The following CD164 variants were observed in gnomAD, a reference collection of about 807,000 sequenced individuals.
CD164 encodes the protein CD164 molecule, also known as sialomucin core protein 24.
A neutral mutation model predicts 24.6 loss-of-function variants in CD164; 11 were observed. The observed-to-expected ratio is 0.45, with a 90% CI of 0.28 to 0.74. The LOEUF (loss-of-function observed/expected upper bound fraction) is 0.74, where lower values mean the gene tolerates loss of function less well. CD164 is among the 30% of genes least tolerant of loss of function. CD164 has a pLI of 0.13. For missense variants in CD164, 295 were observed against 243.7 expected, an observed-to-expected ratio of 1.21 and a Z score of -1.40; for synonymous variants, 126 against 100.3, an observed-to-expected ratio of 1.26 and a Z score of -1.53.
intron 2 of CD164, 122 bp from the exon 3 acceptor site, chr6:109,378,093 A>T (rs1771522664): frequency 4.2e-6 from 3 of 721,840 alleles, no homozygotes; most frequent in Non-Finnish European, 7.0e-6. Flanking sequence ...AGGGGGAACC[A>T]CTTTAGGTGT....
chr6:109,368,756 A>T lies in CD164; in HGVS notation c.*95T>A. 1 of 1,477,546 alleles carries T rather than the reference A, an allele frequency of 6.8e-7. No individual in the cohort carries two copies. The highest frequency in any genetic ancestry group is 2.7e-5 in the Admixed American group (1 of 37,030). 91.5% of individuals were successfully genotyped at this position (1,477,546 alleles called of 1,614,324 possible). On this transcript the variant is annotated 3_prime_UTR_variant, in exon 6 of 6. Transcript: ENST00000310786. The stretch of plus-strand genomic sequence containing the variant: ...CATGGAAATTTAAAGATCCTGGAAT[A>T]GCGTCTTCCATGTGGGACATCTTAA...
intron 3 of CD164, 27 bp downstream of exon 3, chr6:109,377,873 T>G: frequency 6.3e-7 from 1 of 1,586,880 alleles, no homozygotes; most frequent in East Asian, 2.2e-5. Flanking sequence ...TGCGGTCAGC[T>G]TCCAAGCAGC....
In CD164 at chr6:109,381,530, C is replaced by T. The variant is rs1051308091; in HGVS notation, c.175+674G>A. 5.7e-6 allele frequency: 4 copies of T among 702,638 alleles called. No individual in the cohort carries two copies. The Admixed American group carries it at 8.0e-5, about 14-fold the overall frequency. 43.5% of individuals were successfully genotyped at this position (702,638 alleles called of 1,614,324 possible). A position where few individuals can be genotyped will look rare whatever the true frequency, so the allele number is the denominator to read the frequency against. The stretch of plus-strand genomic sequence containing the variant: ...TTCCAGTTTAGCCTTAGGATACGTA[C>T]GCAAAACACCCGGTACATACATGGG... On this transcript the variant is annotated intron_variant, in intron 1 of 5. Coordinates refer to ENST00000310786, the MANE Select transcript of CD164 (RefSeq NM_006016.6).
chr6:109,367,907 G>C lies in CD164; in HGVS notation c.*944C>G, dbSNP rs1163075613. 1.9e-5 allele frequency: 3 copies of C among 161,820 alleles called. No individual in the cohort carries two copies. Among genetic ancestry groups the C allele is most frequent in the African/African-American group, 4.8e-5 (2 of 41,692 alleles). 10.0% of individuals were successfully genotyped at this position (161,820 alleles called of 1,614,324 possible). Reference sequence around the variant, plus strand: ...TAGTGCTAGCATACTTTTTTTTAAAGTACAAAGGAAAGTGTAATTAAATCA... The same window carrying C: ...TAGTGCTAGCATACTTTTTTTTAAACTACAAAGGAAAGTGTAATTAAATCA... On this transcript the variant is annotated 3_prime_UTR_variant, in exon 6 of 6. Transcript: ENST00000310786.
chr6:109,375,617 C>CAAAAAAAAAAAAAAAAAAAAAAAA (rs58138405), intron 4 of CD164, among the ~76,000 whole-genome samples: 1 of 71,386 alleles, frequency 1.4e-5, no homozygotes, highest in African/African-American at 3.7e-5. Context: ...ACTTCGCTTC[C>CAAAAAAAAAAAAAAAAAAAAAAAA]AAAAAAAAAA....
In CD164 at chr6:109,373,244, A is replaced by G. The variant is rs1330603958; in HGVS notation, c.371-2777T>C. On this transcript the variant is annotated intron_variant, in intron 4 of 5. Transcript: ENST00000310786. ...AGTTCATCTTCCACTTCATATGAAC[A>G]TTTTCCACTGTATCTGACATATTTT... 5.9e-5 allele frequency among the ~76,000 whole-genome samples: 9 copies of G among 152,290 alleles called. No homozygotes were observed. The East Asian group carries it at 1.7e-3, about 29-fold the overall frequency.
intron 4 of CD164, among the ~76,000 whole-genome samples, chr6:109,375,392 G>A (rs1452749051): frequency 3.3e-5 from 5 of 152,032 alleles, no homozygotes; most frequent in East Asian, 1.9e-4. Context: ...TGAGGTAGGC[G>A]GATCACTTTA....
chr6:109,368,294 T>G lies in CD164; in HGVS notation c.*557A>C. 6.5e-7 allele frequency: 1 copy of G among 1,543,514 alleles called. No homozygotes were observed. The highest frequency in any genetic ancestry group is 8.7e-7 in the Non-Finnish European group (1 of 1,143,438). ...TGGTATCCTTTCATTTCTTTAAATC[T>G]GGAATGTAGTTCCTTGTGTGGCATC... On this transcript the variant is annotated 3_prime_UTR_variant, in exon 6 of 6. Transcript: ENST00000310786.
chr6:109,382,459 T>A lies in CD164; in HGVS notation c.-81A>T. 1 of 1,316,396 alleles carries A rather than the reference T, an allele frequency of 7.6e-7. No individual in the cohort carries two copies. Among genetic ancestry groups the A allele is most frequent in the Non-Finnish European group, 9.9e-7 (1 of 1,006,712 alleles). The allele number at this position is 1,316,396 out of a possible 1,614,324, so 81.5% of individuals were successfully genotyped here. On this transcript the variant is annotated 5_prime_UTR_variant, in exon 1 of 6. Transcript: ENST00000310786. ...CCCCTCAATCCCCTGCGGCGCCGCC[T>A]CCGAGACTACGCTCCCCCGCGGGAG...
intron 4 of CD164, among the ~76,000 whole-genome samples, chr6:109,373,462 G>C (rs775753997): frequency 7.9e-5 from 12 of 152,190 alleles, no homozygotes; most frequent in Non-Finnish European, 1.6e-4. Context: ...TCAGTCAACT[G>C]ATGCATTTTC....
chr6:109,370,304 G>C, intron 5 of CD164, 107 bp downstream of exon 5: 1 of 862,228 alleles, frequency 1.2e-6, no homozygotes, highest in South Asian at 1.5e-5. Flanking sequence ...AAGAATTTCA[G>C]TTCCATAACC....
At position 109,368,775 on chromosome 6, in the gene CD164, A is replaced by G. The variant is rs1046403168; in HGVS notation, c.*76T>C. On this transcript the variant is annotated 3_prime_UTR_variant, in exon 6 of 6. Transcript: ENST00000310786. ...TGGAATAGCGTCTTCCATGTGGGACATCTTAAAAGATAGTATTTTGGCTTC... is the reference window on the plus strand; with the variant it reads ...TGGAATAGCGTCTTCCATGTGGGACGTCTTAAAAGATAGTATTTTGGCTTC... 8.6e-6 allele frequency: 13 copies of G among 1,518,270 alleles called. No individual in the cohort carries two copies. The African/African-American group carries it at 1.4e-4, about 16-fold the overall frequency. The allele number at this position is 1,518,270 out of a possible 1,614,324, so 94.0% of individuals were successfully genotyped here. A position where few individuals can be genotyped will look rare whatever the true frequency, so the allele number is the denominator to read the frequency against.
At chr6:109,375,890 T>C (rs1395806687) in intron 4 of CD164, 184 bp downstream of exon 4, 1 of 550,274 alleles carries the variant, frequency 1.8e-6, no homozygotes, top group Non-Finnish European at 3.1e-6. Context: ...TATAAAACAC[T>C]GGAGCTATGT....
chr6:109,377,707 G>A (rs2115164254), intron 3 of CD164, among the ~76,000 whole-genome samples, 193 bp downstream of exon 3: 1 of 150,890 alleles, frequency 6.6e-6, no homozygotes, highest in South Asian at 2.1e-4. Context: ...CCACACTATA[G>A]CTAAATCACT....
In CD164 at chr6:109,368,315, G is replaced by C. The variant is rs1046314949; in HGVS notation, c.*536C>G. On this transcript the variant is annotated 3_prime_UTR_variant, in exon 6 of 6. Coordinates refer to ENST00000310786, the MANE Select transcript of CD164 (RefSeq NM_006016.6). ...AATCTGGAATGTAGTTCCTTGTGTG[G>C]CATCTTATTTCTAATGTAGAAAAAA... The C allele has an allele frequency of 8.3e-5, 128 of 1,540,908 alleles. No individual in the cohort carries two copies. Among genetic ancestry groups the C allele is most frequent in the Non-Finnish European group, 1.1e-4 (121 of 1,141,906 alleles).
chr6:109,382,400 C>T lies in CD164; in HGVS notation c.-22G>A, dbSNP rs373296147. 10 of 1,499,556 alleles carry T rather than the reference C, an allele frequency of 6.7e-6. No individual in the cohort carries two copies. The highest frequency in any genetic ancestry group is 8.0e-6 in the Non-Finnish European group (9 of 1,124,516). 92.9% of individuals were successfully genotyped at this position (1,499,556 alleles called of 1,614,324 possible). ...ACATCGTGTCCTCAGCGCTGGCGTT[C>T]GGGAGAAAGCTAAGGCTCGCAACGC... On this transcript the variant is annotated 5_prime_UTR_variant, in exon 1 of 6. Transcript: ENST00000310786.
rs775524845 is a variant in CD164, at chr6:109,382,213, G to T, written c.166C>A (p.Pro56Thr). The change falls in exon 1 of 6, where the codon CCG becomes ACG. Residue 56 changes from proline to threonine, a missense_variant. By Grantham distance (38) the Pro-to-Thr change is conservative. Transcript: ENST00000310786. Reference sequence around the variant, plus strand: ...CAGGGCCCGCGCCCACCTGGTGCCGGAGTGGTGACCAGCGGGAGGGACGTC... The same window carrying T: ...CAGGGCCCGCGCCCACCTGGTGCCGTAGTGGTGACCAGCGGGAGGGACGTC... Reference protein sequence around the residue: ...PVTSLPLVTTPAPETCEGRNS... With the variant: ...PVTSLPLVTTTAPETCEGRNS... The T allele has an allele frequency of 3.2e-6, 5 of 1,566,508 alleles. No individual in the cohort carries two copies. Among genetic ancestry groups the T allele is most frequent in the East Asian group, 2.4e-5 (1 of 42,222 alleles).
intron 2 of CD164, among the ~76,000 whole-genome samples, chr6:109,378,843 A>G (rs1029843303): frequency 1.3e-5 from 2 of 151,976 alleles, no homozygotes; most frequent in African/African-American, 2.4e-5. Flanking sequence ...TTCTAGAACT[A>G]TTAAAATTTT....
At position 109,368,593 on chromosome 6, in the gene CD164, T is replaced by A. The variant is rs75406907; in HGVS notation, c.*258A>T. On this transcript the variant is annotated 3_prime_UTR_variant, in exon 6 of 6. Transcript: ENST00000310786. ...TATTTGGCATGTTAAGGAAAAAAAA[T>A]ATAATCCCACAGCAGCAGCTATTTA... 7 of 1,344,514 alleles carry A rather than the reference T, an allele frequency of 5.2e-6. No individual in the cohort carries two copies. The highest frequency in any genetic ancestry group is 6.6e-6 in the Non-Finnish European group (7 of 1,053,710). The allele number at this position is 1,344,514 out of a possible 1,614,324, so 83.3% of individuals were successfully genotyped here.
Sources: gnomAD v4.1 joint callset for allele counts (sites outside exome capture counted in the v4.1 genomes callset) on GRCh38, gnomAD v4.1.1 for gene constraint, MANE v1.5 for transcripts, NCBI Gene and HGNC (gene_info 2026-07-23, HGNC 2026-07-21) for gene names.